Variants in XRCC4 observed in about 807,000 individuals in gnomAD.
The protein encoded by XRCC4 is DNA repair protein XRCC4.
XRCC4 carries 28 observed loss-of-function variants against 39.1 expected under a neutral mutation model. The ratio of observed to expected loss-of-function variants is 0.72; its 90% confidence interval spans 0.53 to 0.98. The LOEUF (loss-of-function observed/expected upper bound fraction) is 0.98. XRCC4 is among the 50% of genes least tolerant of loss of function. The pLI, the probability that XRCC4 is intolerant of heterozygous loss-of-function variation, is 0.00. For synonymous variants in XRCC4, 123 were observed against 126.4 expected, an observed-to-expected ratio of 0.97 and a Z score of 0.18; for missense variants, 350 against 376.4, an observed-to-expected ratio of 0.93 and a Z score of 0.58.
At chr5:83,252,830 T>A (rs1451087838) in intron 6 of XRCC4, among the ~76,000 whole-genome samples, 1 of 152,170 alleles carries the variant, frequency 6.6e-6, no homozygotes, top group Admixed American at 6.5e-5. Context: ...AAAAATAAGA[T>A]ACACATTTGA....
intron 1 of XRCC4, among the ~76,000 whole-genome samples, chr5:83,095,665 C>T (rs1452391131): frequency 6.6e-6 from 1 of 152,138 alleles, no homozygotes; most frequent in Non-Finnish European, 1.5e-5. Flanking sequence ...AGCAGAGGCC[C>T]TTCAGGATCT....
Position 83,242,201 on chromosome 5 carries a change from A to G in XRCC4, c.746-16329A>G, listed in dbSNP as rs113171764. On this transcript the variant is annotated intron_variant, in intron 6 of 7. Transcript: ENST00000396027. ...GTGTGTGTGTGTGTGTGTGTGTGTA[A>G]GCTGACACAAACCTTGCATGAAACT... is the stretch of plus-strand genomic sequence containing the variant. Among the ~76,000 whole-genome samples, 883 of 130,694 alleles carry G rather than the reference A, an allele frequency of 6.8e-3. 13 individuals are homozygous for G. The highest frequency in any genetic ancestry group is 0.024 in the African/African-American group (848 of 34,980). The allele number at this position is 130,694 out of a possible 152,430, so 85.7% of individuals were successfully genotyped here.
chr5:83,146,733 C>T (rs540580677), intron 3 of XRCC4, among the ~76,000 whole-genome samples: 1 of 152,292 alleles, frequency 6.6e-6, no homozygotes, highest in East Asian at 1.9e-4. Context: ...GACACACCCA[C>T]AAACAAATGT....
At chr5:83,131,561 C>G (rs1399060477) in intron 3 of XRCC4, among the ~76,000 whole-genome samples, 1 of 152,116 alleles carries the variant, frequency 6.6e-6, no homozygotes, top group Non-Finnish European at 1.5e-5. Flanking sequence ...TCTGGGTGCT[C>G]CTGTATTGGG....
chr5:83,259,891 A>T (rs1753690151), intron 7 of XRCC4, among the ~76,000 whole-genome samples: 1 of 152,120 alleles, frequency 6.6e-6, no homozygotes, highest in Non-Finnish European at 1.5e-5. Context: ...GACAATAAGG[A>T]TGCAAAGAAG....
intron 7 of XRCC4, among the ~76,000 whole-genome samples, chr5:83,296,491 T>C (rs1049152487): frequency 2.0e-5 from 3 of 152,156 alleles, no homozygotes; most frequent in Non-Finnish European, 2.9e-5. Context: ...GCTGTTCTTA[T>C]TAGTATCATT....
At chr5:83,367,449 G>A in the XRCC4 span, among the ~76,000 whole-genome samples, 249 of 152,200 alleles carry the variant, frequency 1.6e-3, 3 homozygotes, top group Middle Eastern at 0.041. Context: ...CCTGCTCATC[G>A]TTTACTGTGT....
chr5:83,297,539 C>T (rs918661608), intron 7 of XRCC4, among the ~76,000 whole-genome samples: 3 of 151,846 alleles, frequency 2.0e-5, no homozygotes, highest in African/African-American at 7.2e-5. Context: ...TTTTAAATAG[C>T]TATTAATATC....
chr5:83,247,417 A>G (rs1753147802), intron 6 of XRCC4, among the ~76,000 whole-genome samples: 1 of 152,134 alleles, frequency 6.6e-6, no homozygotes, highest in Admixed American at 6.6e-5. Context: ...ATCAGTGGCA[A>G]AATCATCCCC....
the XRCC4 span, among the ~76,000 whole-genome samples, chr5:83,362,937 T>C: frequency 6.6e-6 from 1 of 152,262 alleles, no homozygotes; most frequent in African/African-American, 2.4e-5. Context: ...CACCCATTTA[T>C]TGAACACTTT....
chr5:83,216,810 G>C (rs1186460383), intron 6 of XRCC4, among the ~76,000 whole-genome samples: 1 of 152,128 alleles, frequency 6.6e-6, no homozygotes, highest in East Asian at 1.9e-4. Context: ...CTAAAGCTTG[G>C]AGTGGAAATG....
chr5:83,300,947 A>G (rs550747841), intron 7 of XRCC4, among the ~76,000 whole-genome samples: 69 of 152,212 alleles, frequency 4.5e-4, no homozygotes, highest in Admixed American at 1.0e-3. Flanking sequence ...TCCATGGTGT[A>G]TATGTGCCAC....
chr5:83,079,632 G>C (rs1009791294), intron 1 of XRCC4, among the ~76,000 whole-genome samples: 1 of 152,058 alleles, frequency 6.6e-6, no homozygotes, highest in East Asian at 1.9e-4. Flanking sequence ...GGGCAGAAGC[G>C]ATCTATCCTC....
chr5:83,332,360 T>C (rs1488893785), intron 7 of XRCC4, among the ~76,000 whole-genome samples: 1 of 152,152 alleles, frequency 6.6e-6, no homozygotes, highest in Non-Finnish European at 1.5e-5. Context: ...ATTGGACATA[T>C]GTATGTAGGC....
rs185264327 is a variant in XRCC4, at chr5:83,123,453, T to C, written c.315+12250T>C. ...AATTAGATTTCTTTTAGGAAGTGTA[T>C]AGTTGGGTGTTGTTTTTTTAATCCA... On this transcript the variant is annotated intron_variant, in intron 3 of 7. Coordinates refer to ENST00000396027, the MANE Select transcript of XRCC4 (RefSeq NM_003401.5). Among the ~76,000 whole-genome samples the C allele has an allele frequency of 2.6e-5, 4 of 152,148 alleles. No homozygotes were observed. In the East Asian group the frequency reaches 7.7e-4, roughly 29 times the overall value.
intron 7 of XRCC4, among the ~76,000 whole-genome samples, chr5:83,276,481 G>C (rs1754340790): frequency 8.0e-6 from 1 of 125,310 alleles, no homozygotes; most frequent in Non-Finnish European, 1.6e-5. Flanking sequence ...GGTTATCATG[G>C]GAATGAGGCT....
intron 6 of XRCC4, among the ~76,000 whole-genome samples, chr5:83,214,648 C>T (rs1051104444): frequency 4.0e-5 from 6 of 151,700 alleles, no homozygotes; most frequent in African/African-American, 7.3e-5. Context: ...CTGGCTAACA[C>T]GGTGAAACCC....
At chr5:83,107,741 C>G (rs908997149) in intron 2 of XRCC4, among the ~76,000 whole-genome samples, 1 of 151,898 alleles carries the variant, frequency 6.6e-6, no homozygotes, top group Non-Finnish European at 1.5e-5. Context: ...TTAAACTTTA[C>G]TAATTGTTCT....
intron 1 of XRCC4, among the ~76,000 whole-genome samples, chr5:83,083,610 T>TC (rs1446083801): frequency 2.6e-5 from 4 of 152,186 alleles, no homozygotes; most frequent in African/African-American, 9.6e-5. Context: ...ACTCCTGACC[T>TC]CGTGATCCAC....
Sources: gnomAD v4.1 joint callset for allele counts (sites outside exome capture counted in the v4.1 genomes callset) on GRCh38, gnomAD v4.1.1 for gene constraint, MANE v1.5 for transcripts, NCBI Gene and HGNC (gene_info 2026-07-23, HGNC 2026-07-21) for gene names.